POFUT2: variants seen among roughly 807,000 people sequenced by gnomAD.
POFUT2 encodes protein O-fucosyltransferase 2.
POFUT2 carries 30 observed loss-of-function variants against 55.0 expected under a neutral mutation model. That is an observed-to-expected ratio of 0.55 (90% CI 0.41 to 0.74). POFUT2 has a LOEUF of 0.74. Among genes scored for constraint, POFUT2 ranks in the 30% least tolerant of loss-of-function variants. POFUT2 has a pLI of 0.00. For synonymous variants in POFUT2, 267 were observed against 231.1 expected (o/e 1.16, Z -1.41); for missense variants, 524 against 562.6 (o/e 0.93, Z 0.69).
At chr21:45,272,457 T>G (rs1731420638) in intron 6 of POFUT2, among the ~76,000 whole-genome samples, 1 of 152,036 alleles carries the variant, frequency 6.6e-6, no homozygotes, top group South Asian at 2.1e-4. Context: ...ACAACATAAG[T>G]GGGGACTTCA....
chr21:45,269,049 C>A (rs1371706003), intron 7 of POFUT2, among the ~76,000 whole-genome samples: 4 of 113,186 alleles, frequency 3.5e-5, no homozygotes, highest in Admixed American at 7.7e-5. Context: ...GGGGGTCAGC[C>A]CCCCGCCTGG....
intron 1 of POFUT2, 115 bp downstream of exon 1, chr21:45,287,626 C>T (rs1219528981): frequency 9.2e-7 from 1 of 1,086,132 alleles, no homozygotes; most frequent in Non-Finnish European, 1.2e-6. Context: ...TCCCGTGGGC[C>T]TGCCCCTGAC....
chr21:45,287,853 C>A lies in POFUT2; in HGVS notation c.19G>T (p.Val7Phe). The change falls in exon 1 of 9, where the codon GTC (valine) becomes TTC (phenylalanine). Residue 7 changes from valine to phenylalanine, a missense_variant. Physicochemically the swap from Val to Phe is conservative, Grantham distance 50. Around this residue, in one of 2 missense-constraint regions of POFUT2, gnomAD observed 274 missense variants for 244.4 expected, o/e 1.12. Transcript: ENST00000349485. ...GACACTGCCCCCAGCAGCAGGAAGA[C>A]GAAGCTGAGTGTCGCCATGGCCCCG... MATLSFVFLLLGAVSWP... is the reference protein window; with the variant it reads MATLSFFFLLLGAVSWP... The A allele has an allele frequency of 1.4e-6, 2 of 1,422,676 alleles. No individual in the cohort carries two copies. The highest frequency in any genetic ancestry group is 1.5e-5 in the South Asian group (1 of 68,516). The allele number at this position is 1,422,676 out of a possible 1,614,324, so 88.1% of individuals were successfully genotyped here. A position where few individuals can be genotyped will look rare whatever the true frequency, so the allele number is the denominator to read the frequency against.
chr21:45,282,258 G>A lies in POFUT2; in HGVS notation c.638+91C>T. 5.9e-6 allele frequency: 5 copies of A among 845,608 alleles called. No individual in the cohort carries two copies. Among genetic ancestry groups the A allele is most frequent in the South Asian group, 5.6e-5 (4 of 71,444 alleles). The allele number at this position is 845,608 out of a possible 1,614,324, so 52.4% of individuals were successfully genotyped here. A position where few individuals can be genotyped will look rare whatever the true frequency, so the allele number is the denominator to read the frequency against. On this transcript the variant is annotated intron_variant, in intron 4 of 8. Transcript: ENST00000349485. The surrounding 1 kb of genome is among the most constrained non-coding windows in gnomAD (Gnocchi z 4.6). ...TCTGTGAGGTGGGTGGGCCAGGGAT[G>A]CGGGAGTATGGGCGGAGAGCCCCCA...
chr21:45,284,878 G>A lies in POFUT2; in HGVS notation c.382+800C>T, dbSNP rs993192950. ...ATCAACAAGGATGTTGGAGGTTACC[G>A]CCTGTTGTTGCATGCCCCTAGCACT... is the stretch of plus-strand genomic sequence containing the variant. On this transcript the variant is annotated intron_variant, in intron 2 of 8. Transcript: ENST00000349485. The surrounding 1 kb of genome is among the most constrained non-coding windows in gnomAD (Gnocchi z 5.8). Among the ~76,000 whole-genome samples, 5 of 152,178 alleles carry A rather than the reference G, an allele frequency of 3.3e-5. No homozygotes were observed. Among genetic ancestry groups the A allele is most frequent in the African/African-American group, 9.7e-5 (4 of 41,436 alleles).
At chr21:45,286,601 C>A (rs2031433123) in intron 1 of POFUT2, among the ~76,000 whole-genome samples, 1 of 152,176 alleles carries the variant, frequency 6.6e-6, no homozygotes, top group African/African-American at 2.4e-5. Context: ...ATTAAAACGG[C>A]TACAAAAGCT....
At position 45,265,771 on chromosome 21, in the gene POFUT2, G is replaced by A. The variant is rs188799030; in HGVS notation, c.1137-136C>T. 2.8e-4 allele frequency: 402 copies of A among 1,440,110 alleles called. 2 individuals carry two copies. The East Asian group carries it at 5.9e-3, about 21-fold the overall frequency. The allele number at this position is 1,440,110 out of a possible 1,614,324, so 89.2% of individuals were successfully genotyped here. ...TGGAACCAACACGGCCGTCCCCCGAGCACCCACCAGCCGGCCGCCCCCTTG... is the reference window on the plus strand; with the variant it reads ...TGGAACCAACACGGCCGTCCCCCGAACACCCACCAGCCGGCCGCCCCCTTG... On this transcript the variant is annotated intron_variant, in intron 8 of 8. Transcript: ENST00000349485. The surrounding 1 kb of genome is among the most constrained non-coding windows in gnomAD (Gnocchi z 4.6).
chr21:45,277,400 A>T lies in POFUT2; in HGVS notation c.706-258T>A. On this transcript the variant is annotated intron_variant, in intron 5 of 8. Coordinates refer to ENST00000349485, the MANE Select transcript of POFUT2 (RefSeq NM_133635.6). This position sits in a 1 kb window ranked among gnomAD's most constrained non-coding sequence, Gnocchi z 6.9. ...CCTGCCGTGGGAAGCTGCGGCACAC[A>T]CTGGGCTCAGCTGGCCGTTGCCCCT... The T allele has an allele frequency of 2.1e-6, 1 of 484,760 alleles. No individual in the cohort carries two copies. The highest frequency in any genetic ancestry group is 3.8e-6 in the Non-Finnish European group (1 of 265,216). The allele number at this position is 484,760 out of a possible 1,614,324, so 30.0% of individuals were successfully genotyped here.
At position 45,285,867 on chromosome 21, in the gene POFUT2, G is replaced by C; in HGVS notation, c.193C>G (p.Arg65Gly). 6 of 1,612,978 alleles carry C rather than the reference G, an allele frequency of 3.7e-6. No homozygotes were observed. Among genetic ancestry groups the C allele is most frequent in the Non-Finnish European group, 4.2e-6 (5 of 1,179,810 alleles). Residue 65 changes from arginine (R) to glycine (G), a missense_variant, in exon 2 of 9, where the codon CGA (arginine) becomes GGA (glycine). Around this residue, in one of 2 missense-constraint regions of POFUT2, gnomAD observed 274 missense variants for 244.4 expected, o/e 1.12. Transcript: ENST00000349485. The surrounding 1 kb of genome is among the most constrained non-coding windows in gnomAD (Gnocchi z 4.9). ...AGAGTCTTCAGGAGAGAGGCGATTCGGATATAGACATCCCTGCGCAGGTTG... is the reference window on the plus strand; with the variant it reads ...AGAGTCTTCAGGAGAGAGGCGATTCCGATATAGACATCCCTGCGCAGGTTG... ...GFNLRRDVYI[R>G]IASLLKTLLK...
In POFUT2 at chr21:45,283,445, C is replaced by T. The variant is rs1957801250; in HGVS notation, c.465G>A (p.Lys155=). ...EGWKEGTWEE[K]VDERPCIDQL... ...GATCAATACACGGCCGCTCGTCCAC[C>T]TTCTCTTCCCAGGTCCCTTCTTTCC... Residue 155 remains lysine, a synonymous_variant, in exon 3 of 9, where the codon AAG becomes AAA. Transcript: ENST00000349485. 6.2e-7 allele frequency: 1 copy of T among 1,613,748 alleles called. No individual in the cohort carries two copies. Among genetic ancestry groups the T allele is most frequent in the South Asian group, 1.1e-5 (1 of 91,078 alleles).
rs2030579892 is a variant in POFUT2 at position 45,281,085 on chromosome 21, A to T, written c.638+1264T>A. Among the ~76,000 whole-genome samples, 1 of 152,092 alleles carries T rather than the reference A, an allele frequency of 6.6e-6. No individual in the cohort carries two copies. The highest frequency in any genetic ancestry group is 1.5e-5 in the Non-Finnish European group (1 of 68,008). Reference sequence around the variant, plus strand: ...TTCCCATTAGGGCTTTAACCCCCGGAAGAGACTTTCCCTGGGTGCTGGGGG... The same window carrying T: ...TTCCCATTAGGGCTTTAACCCCCGGTAGAGACTTTCCCTGGGTGCTGGGGG... On this transcript the variant is annotated intron_variant, in intron 4 of 8. Coordinates refer to ENST00000349485, the MANE Select transcript of POFUT2 (RefSeq NM_133635.6). The surrounding 1 kb of genome is among the most constrained non-coding windows in gnomAD (Gnocchi z 5.0).
At chr21:45,287,275 A>ATC (rs2031545666) in intron 1 of POFUT2, among the ~76,000 whole-genome samples, 1 of 42,512 alleles carries the variant, frequency 2.4e-5, no homozygotes. Flanking sequence ...CCCCCATCCC[A>ATC]TCCCTCGGGC....
At position 45,278,478 on chromosome 21, in the gene POFUT2, C is replaced by T. The variant is rs560220087; in HGVS notation, c.639-309G>A. Among the ~76,000 whole-genome samples the T allele has an allele frequency of 5.3e-5, 8 of 152,300 alleles. No homozygotes were observed. In the South Asian group the frequency reaches 1.0e-3, roughly 20 times the overall value. On this transcript the variant is annotated intron_variant, in intron 4 of 8. Coordinates refer to ENST00000349485, the MANE Select transcript of POFUT2 (RefSeq NM_133635.6). The stretch of plus-strand genomic sequence containing the variant: ...AAAAGGCTTGGAATCCAGGATCCAC[C>T]GACGGCTATGGCAAGCTGCAGGCGT...
intron 6 of POFUT2, among the ~76,000 whole-genome samples, chr21:45,273,865 C>T (rs550434443): frequency 5.4e-4 from 82 of 152,198 alleles, no homozygotes; most frequent in African/African-American, 7.9e-4. Flanking sequence ...ATTATACTGA[C>T]GGGGGAAAAG....
In POFUT2 at chr21:45,265,659, AGAGTCAGGGAGAACTGGCGTCACAGAGG is replaced by A. The variant is rs1420772974; in HGVS notation, c.1137-52_1137-25del. ...ACCTGCAAAGGATCACAGAGGTTCC[AGAGTCAGGGAGAACTGGCGTCACAGAGG>A]TTCCAGAGTCAGGGAGAACTGAGAG... On this transcript the variant is annotated intron_variant, in intron 8 of 8. Coordinates refer to ENST00000349485, the MANE Select transcript of POFUT2 (RefSeq NM_133635.6). This position sits in a 1 kb window ranked among gnomAD's most constrained non-coding sequence, Gnocchi z 4.6. 6.4e-6 allele frequency: 5 copies of A among 782,936 alleles called. No homozygotes were observed. Among genetic ancestry groups the A allele is most frequent in the Non-Finnish European group, 8.5e-6 (5 of 586,302 alleles). The allele number at this position is 782,936 out of a possible 1,614,324, so 48.5% of individuals were successfully genotyped here.
At chr21:45,286,500 T>G (rs2031422121) in intron 1 of POFUT2, among the ~76,000 whole-genome samples, 1 of 152,268 alleles carries the variant, frequency 6.6e-6, no homozygotes, top group Non-Finnish European at 1.5e-5. Flanking sequence ...GCATTCAATC[T>G]GTTGTGACAT....
In POFUT2 at chr21:45,277,295, C is replaced by A; in HGVS notation, c.706-153G>T. ...ACGGTCGCCTGAGAAGCAGCGCCAT[C>A]CACGGTGGAGGCTCTTGGAGGGTCT... On this transcript the variant is annotated intron_variant, in intron 5 of 8. Coordinates refer to ENST00000349485, the MANE Select transcript of POFUT2 (RefSeq NM_133635.6). The surrounding 1 kb of genome is among the most constrained non-coding windows in gnomAD (Gnocchi z 6.9). 9.7e-7 allele frequency: 1 copy of A among 1,027,154 alleles called. No homozygotes were observed. Among genetic ancestry groups the A allele is most frequent in the Non-Finnish European group, 1.4e-6 (1 of 724,500 alleles). 63.6% of individuals were successfully genotyped at this position (1,027,154 alleles called of 1,614,324 possible).
At chr21:45,272,452 A>G (rs527363258) in intron 6 of POFUT2, among the ~76,000 whole-genome samples, 7 of 152,326 alleles carry the variant, frequency 4.6e-5, no homozygotes, top group African/African-American at 9.6e-5. Flanking sequence ...GCAATACAAC[A>G]TAAGTGGGGA....
chr21:45,267,808 G>A lies in POFUT2; in HGVS notation c.1013-95C>T. ...AGACAGACATGCGTACTTGGCTTCT[G>A]GTTAATTCGTTAGGAACTGGCTCCA... is the stretch of plus-strand genomic sequence containing the variant. On this transcript the variant is annotated intron_variant, in intron 7 of 8. Coordinates refer to ENST00000349485, the MANE Select transcript of POFUT2 (RefSeq NM_133635.6). This position sits in a 1 kb window ranked among gnomAD's most constrained non-coding sequence, Gnocchi z 4.4. 2 of 1,122,442 alleles carry A rather than the reference G, an allele frequency of 1.8e-6. No homozygotes were observed. The highest frequency in any genetic ancestry group is 1.4e-5 in the South Asian group (1 of 69,992). 69.5% of individuals were successfully genotyped at this position (1,122,442 alleles called of 1,614,324 possible).
Sources: gnomAD v4.1 joint callset for allele counts (sites outside exome capture counted in the v4.1 genomes callset) on GRCh38, gnomAD v4.1.1 for gene constraint, gnomAD v4.1.1 regional missense constraint, Gnocchi (gnomAD v3.1) non-coding constraint, MANE v1.5 for transcripts, NCBI Gene and HGNC (gene_info 2026-07-23, HGNC 2026-07-21) for gene names.